Variants in SCHIP1 observed in about 807,000 individuals in gnomAD.
SCHIP1 encodes schwannomin-interacting protein 1.
In SCHIP1, 8 loss-of-function variants were observed where a neutral mutation model predicts 29.7. That is an observed-to-expected ratio of 0.27 (90% confidence interval 0.16 to 0.49). SCHIP1 has a LOEUF of 0.49. SCHIP1 is among the 20% of genes least tolerant of loss of function. The probability of loss-of-function intolerance (pLI) is 0.99; values close to 1 mark genes in which losing one functional copy is unlikely to be tolerated. For missense variants in SCHIP1, 193 were observed against 294.6 expected (o/e 0.66, Z 2.52); for synonymous variants, 76 against 94.9 (o/e 0.80, Z 1.16).
At chr3:159,616,954 T>G in the SCHIP1 span, among the ~76,000 whole-genome samples, 1 of 152,340 alleles carries the variant, frequency 6.6e-6, no homozygotes, top group East Asian at 1.9e-4. Context: ...CTAGCCATAT[T>G]GCAAGCGCTC....
chr3:159,670,792 T>C, the SCHIP1 span, among the ~76,000 whole-genome samples: 1 of 152,128 alleles, frequency 6.6e-6, no homozygotes, highest in African/African-American at 2.4e-5. Flanking sequence ...CCTGGGGTCC[T>C]GGAATAATGT....
At chr3:159,853,269 C>T (rs1201176052) in intron 1 of SCHIP1, 1 of 559,488 alleles carries the variant, frequency 1.8e-6, no homozygotes, top group African/African-American at 1.9e-5. Flanking sequence ...GCCTCTTAGC[C>T]AGCTCTCCAT....
At chr3:159,352,093 GC>G in the SCHIP1 span, among the ~76,000 whole-genome samples, 1 of 152,210 alleles carries the variant, frequency 6.6e-6, no homozygotes, top group African/African-American at 2.4e-5. Flanking sequence ...GGTTTCGGCA[GC>G]CCCGCTGCTT....
the SCHIP1 span, among the ~76,000 whole-genome samples, chr3:159,569,867 G>C: frequency 6.6e-6 from 1 of 152,140 alleles, no homozygotes; most frequent in Admixed American, 6.5e-5. Context: ...ATTCTAACTG[G>C]CATGAGATGG....
the SCHIP1 span, among the ~76,000 whole-genome samples, chr3:159,718,170 A>G: frequency 6.6e-6 from 1 of 152,224 alleles, no homozygotes; most frequent in Admixed American, 6.5e-5. Flanking sequence ...GCCTTCGACA[A>G]AATTTCAACA....
chr3:159,790,429 G>A, the SCHIP1 span, among the ~76,000 whole-genome samples: 12 of 152,286 alleles, frequency 7.9e-5, no homozygotes, highest in African/African-American at 2.4e-4. Context: ...AGTGGCTCAC[G>A]CCTGTAATCC....
At chr3:159,367,974 A>G in the SCHIP1 span, among the ~76,000 whole-genome samples, 1 of 152,174 alleles carries the variant, frequency 6.6e-6, no homozygotes, top group East Asian at 1.9e-4. Context: ...CTGCTTTCAT[A>G]TATTTCTCCC....
chr3:159,445,156 C>T, the SCHIP1 span, among the ~76,000 whole-genome samples: 5 of 152,066 alleles, frequency 3.3e-5, no homozygotes, highest in East Asian at 9.6e-4. Flanking sequence ...CCAGAATCTA[C>T]AATGAACTCA....
At chr3:159,877,444 G>T (rs542259145) in intron 2 of SCHIP1, among the ~76,000 whole-genome samples, 1 of 152,326 alleles carries the variant, frequency 6.6e-6, no homozygotes, top group South Asian at 2.1e-4. Flanking sequence ...TTTCACGACT[G>T]CGTAGAATTC....
chr3:159,832,442 A>C, the SCHIP1 span, among the ~76,000 whole-genome samples: 1 of 151,862 alleles, frequency 6.6e-6, no homozygotes, highest in Non-Finnish European at 1.5e-5. Context: ...CATCTTAAAC[A>C]TCAGCTACAT....
the SCHIP1 span, among the ~76,000 whole-genome samples, chr3:159,362,625 C>G: frequency 1.3e-4 from 20 of 152,336 alleles, no homozygotes; most frequent in Admixed American, 3.3e-4. Flanking sequence ...TTTCCCTCCA[C>G]TCCACCTCAA....
chr3:159,468,968 G>A, the SCHIP1 span, among the ~76,000 whole-genome samples: 682 of 151,576 alleles, frequency 4.5e-3, 6 homozygotes, highest in African/African-American at 0.016. Context: ...GGGTTTCACC[G>A]TGTTAGCCCG....
the SCHIP1 span, chr3:159,273,748 C>G: frequency 6.3e-7 from 1 of 1,586,702 alleles, no homozygotes; most frequent in Non-Finnish European, 8.6e-7. Context: ...TGACCCTTTA[C>G]GGATTTCTTT....
the SCHIP1 span, among the ~76,000 whole-genome samples, chr3:159,719,362 C>T: frequency 6.6e-6 from 1 of 152,284 alleles, no homozygotes; most frequent in East Asian, 1.9e-4. Context: ...GCAATGGCAA[C>T]AGTAGCCAAA....
At chr3:159,326,751 T>A in the SCHIP1 span, among the ~76,000 whole-genome samples, 2 of 152,200 alleles carry the variant, frequency 1.3e-5, no homozygotes, top group Non-Finnish European at 2.9e-5. Flanking sequence ...AGGAAAGTGA[T>A]GTGCCCCAAA....
At chr3:159,408,315 A>AATG in the SCHIP1 span, among the ~76,000 whole-genome samples, 293 of 151,972 alleles carry the variant, frequency 1.9e-3, 1 homozygote, top group African/African-American at 6.9e-3. Flanking sequence ...TAATAATAAT[A>AATG]ATAATCAGAG....
At chr3:159,793,851 C>T in the SCHIP1 span, among the ~76,000 whole-genome samples, 1 of 152,178 alleles carries the variant, frequency 6.6e-6, no homozygotes, top group South Asian at 2.1e-4. Context: ...AGCCACTGTG[C>T]CCGACCTGTT....
chr3:159,350,412 G>A, the SCHIP1 span, among the ~76,000 whole-genome samples: 9 of 152,106 alleles, frequency 5.9e-5, no homozygotes, highest in Non-Finnish European at 1.3e-4. Context: ...AAAAGGGTTT[G>A]TGTTGTAAAT....
chr3:159,800,966 G>GTT, the SCHIP1 span, among the ~76,000 whole-genome samples: 1,159 of 145,048 alleles, frequency 8.0e-3, 12 homozygotes, highest in South Asian at 0.014. Context: ...AACTAAGTCT[G>GTT]TTTTTTTTTT....
Sources: gnomAD v4.1 joint callset for allele counts (sites outside exome capture counted in the v4.1 genomes callset) on GRCh38, gnomAD v4.1.1 for gene constraint, MANE v1.5 for transcripts, NCBI Gene and HGNC (gene_info 2026-07-23, HGNC 2026-07-21) for gene names.